Variants in SLCO3A1 observed in about 807,000 individuals in gnomAD.
SLCO3A1 encodes the protein PGE1 transporter.
SLCO3A1 carries 27 observed loss-of-function variants against 63.1 expected under a neutral mutation model. The ratio of observed to expected loss-of-function variants is 0.43; its 90% CI spans 0.32 to 0.59. The LOEUF (loss-of-function observed/expected upper bound fraction) is 0.59. SLCO3A1 is among the 20% of genes least tolerant of loss of function. The pLI, the probability that SLCO3A1 is intolerant of heterozygous loss-of-function variation, is 0.09. For missense variants in SLCO3A1, 773 were observed against 945.8 expected (o/e 0.82, Z 2.40); for synonymous variants, 473 against 409.9 (o/e 1.15, Z -1.86).
At chr15:91,983,289 G>A (rs1482586540) in intron 2 of SLCO3A1, among the ~76,000 whole-genome samples, 2 of 152,184 alleles carry the variant, frequency 1.3e-5, no homozygotes, top group Non-Finnish European at 1.5e-5. Flanking sequence ...TTAACAAGAA[G>A]GCTTGGTGCA....
chr15:92,157,046 TATGCATTGAAA>T, intron 9 of SLCO3A1: 1 of 152,342 alleles, frequency 6.6e-6, no homozygotes, highest in East Asian at 1.9e-4. Flanking sequence ...TGCAGCAAGT[TATGCATTGAAA>T]TATATATAGC....
chr15:92,018,857 C>G (rs2046471250), intron 2 of SLCO3A1, among the ~76,000 whole-genome samples: 1 of 152,162 alleles, frequency 6.6e-6, no homozygotes, highest in African/African-American at 2.4e-5. Context: ...CAGGTGCAAG[C>G]TGGGTGACCC....
At chr15:92,066,658 G>A (rs554688422) in intron 2 of SLCO3A1, among the ~76,000 whole-genome samples, 1 of 152,268 alleles carries the variant, frequency 6.6e-6, no homozygotes, top group South Asian at 2.1e-4. Context: ...CATGAAGTGG[G>A]CCTAAGAATA....
intron 2 of SLCO3A1, among the ~76,000 whole-genome samples, chr15:92,051,888 A>G (rs892812267): frequency 2.0e-5 from 3 of 152,178 alleles, no homozygotes; most frequent in African/African-American, 4.8e-5. Context: ...TTCTACAGCA[A>G]TGAGTCTTCT....
At chr15:92,086,311 G>A (rs2047403616) in intron 2 of SLCO3A1, among the ~76,000 whole-genome samples, 1 of 152,142 alleles carries the variant, frequency 6.6e-6, no homozygotes, top group African/African-American at 2.4e-5. Context: ...TTAACCAGCT[G>A]AAACACACTC....
intron 2 of SLCO3A1, among the ~76,000 whole-genome samples, chr15:92,054,144 G>A (rs1438495108): frequency 2.0e-5 from 3 of 152,174 alleles, no homozygotes; most frequent in Non-Finnish European, 2.9e-5. Flanking sequence ...GCCACTGGGG[G>A]CTCCTTCAGT....
At chr15:92,046,312 C>A (rs981041211) in intron 2 of SLCO3A1, among the ~76,000 whole-genome samples, 1 of 151,522 alleles carries the variant, frequency 6.6e-6, no homozygotes, top group Non-Finnish European at 1.5e-5. Context: ...ATCAGGAGTT[C>A]GAGACCAGCC....
At position 92,033,133 on chromosome 15, in the gene SLCO3A1, G is replaced by A. The variant is rs549400337; in HGVS notation, c.647-61748G>A. On this transcript the variant is annotated intron_variant, in intron 2 of 9. Coordinates refer to ENST00000318445, the MANE Select transcript of SLCO3A1 (RefSeq NM_013272.4). This position sits in a 1 kb window ranked among gnomAD's most constrained non-coding sequence, Gnocchi z 4.5. The stretch of plus-strand genomic sequence containing the variant: ...TTTAGAATTTACCAAAGAATCTCAC[G>A]TGTAAAAAAAACAAAAGAACTCCAT... Among the ~76,000 whole-genome samples, 13 of 152,078 alleles carry A rather than the reference G, an allele frequency of 8.5e-5. No individual in the cohort carries two copies. Among genetic ancestry groups the A allele is most frequent in the Admixed American group, 2.0e-4 (3 of 15,266 alleles).
chr15:92,075,443 C>T (rs2047265665), intron 2 of SLCO3A1, among the ~76,000 whole-genome samples: 1 of 152,200 alleles, frequency 6.6e-6, no homozygotes, highest in East Asian at 1.9e-4. Flanking sequence ...CTTTGTAACC[C>T]TGACTCTGTT....
intron 2 of SLCO3A1, among the ~76,000 whole-genome samples, chr15:92,051,417 T>G (rs1027480333): frequency 2.0e-5 from 3 of 152,182 alleles, no homozygotes; most frequent in Admixed American, 1.3e-4. Flanking sequence ...GACTTCATCT[T>G]GTGGGCAGTT....
chr15:91,913,603 T>C (rs527635876), intron 1 of SLCO3A1, among the ~76,000 whole-genome samples: 4 of 150,392 alleles, frequency 2.7e-5, no homozygotes, highest in African/African-American at 9.9e-5. Context: ...ATTTTTTTGG[T>C]TTGTTTTTTT....
intron 2 of SLCO3A1, among the ~76,000 whole-genome samples, chr15:92,078,477 A>G (rs576810120): frequency 6.6e-6 from 1 of 152,320 alleles, no homozygotes; most frequent in East Asian, 1.9e-4. Context: ...CTCCGCGGGC[A>G]GCTGCAGCCC....
At chr15:91,874,004 C>T (rs1310474086) in intron 1 of SLCO3A1, among the ~76,000 whole-genome samples, 1 of 152,050 alleles carries the variant, frequency 6.6e-6, no homozygotes, top group African/African-American at 2.4e-5. Context: ...AGTAGTCCCC[C>T]TTGCTCTTGG....
intron 2 of SLCO3A1, among the ~76,000 whole-genome samples, chr15:91,992,524 A>G (rs2046139899): frequency 6.6e-6 from 1 of 152,164 alleles, no homozygotes; most frequent in Non-Finnish European, 1.5e-5. Flanking sequence ...GAAGCCAGTG[A>G]TCCTTCTAAA....
chr15:92,137,007 T>C (rs1485119090), intron 7 of SLCO3A1, among the ~76,000 whole-genome samples: 1 of 149,586 alleles, frequency 6.7e-6, no homozygotes. Context: ...AGTTTTAGGG[T>C]ACATGTGCAC....
At chr15:92,129,854 T>C (rs1567135327) in intron 7 of SLCO3A1, among the ~76,000 whole-genome samples, 1 of 130,344 alleles carries the variant, frequency 7.7e-6, no homozygotes, top group Non-Finnish European at 1.6e-5. Context: ...ACATTTTCTT[T>C]AGAGAAAATA....
At chr15:91,884,965 A>G (rs185871147) in intron 1 of SLCO3A1, among the ~76,000 whole-genome samples, 1 of 152,056 alleles carries the variant, frequency 6.6e-6, no homozygotes, top group African/African-American at 2.4e-5. Flanking sequence ...GCTCACCTGT[A>G]TTCTAGGAGC....
intron 1 of SLCO3A1, among the ~76,000 whole-genome samples, chr15:91,896,128 T>C (rs1461936165): frequency 6.6e-6 from 1 of 152,238 alleles, no homozygotes; most frequent in Non-Finnish European, 1.5e-5. Flanking sequence ...ACAGGCATGG[T>C]TTAAGAGTCC....
At chr15:92,102,790 C>T (rs1170097643) in intron 3 of SLCO3A1, among the ~76,000 whole-genome samples, 1 of 152,150 alleles carries the variant, frequency 6.6e-6, no homozygotes, top group Non-Finnish European at 1.5e-5. Flanking sequence ...TCATTCACCT[C>T]GGGCCCTACA....
Sources: gnomAD v4.1 joint callset for allele counts (sites outside exome capture counted in the v4.1 genomes callset) on GRCh38, gnomAD v4.1.1 for gene constraint, Gnocchi (gnomAD v3.1) non-coding constraint, MANE v1.5 for transcripts, NCBI Gene and HGNC (gene_info 2026-07-23, HGNC 2026-07-21) for gene names.